The following CCDC102B variants were observed in gnomAD, a reference collection of about 807,000 sequenced individuals.
CCDC102B encodes the protein coiled-coil domain-containing protein 102B.
In CCDC102B, 75 loss-of-function variants were observed where a neutral mutation model predicts 57.4. That is an observed-to-expected ratio of 1.31 (90% CI 1.08 to 1.58). The LOEUF is 1.58. Ranked by LOEUF, CCDC102B falls within the 40% of genes most tolerant of loss-of-function variation. CCDC102B has a pLI of 0.00. For synonymous variants in CCDC102B, 206 were observed against 201.9 expected (o/e 1.02, Z -0.17); for missense variants, 636 against 582.6 (o/e 1.09, Z -0.94).
intron 3 of CCDC102B, among the ~76,000 whole-genome samples, chr18:68,841,266 T>C (rs1000124911): frequency 1.3e-5 from 2 of 152,254 alleles, no homozygotes; most frequent in Admixed American, 1.3e-4. Context: ...TCTTCTTGAC[T>C]AGTGCACAGA....
At chr18:68,932,162 ATTTC>A (rs1369677803) in intron 6 of CCDC102B, among the ~76,000 whole-genome samples, 2 of 151,810 alleles carry the variant, frequency 1.3e-5, no homozygotes, top group African/African-American at 2.4e-5. Context: ...AATAAGAATT[ATTTC>A]TTTTTAAGTC....
At chr18:68,967,859 C>T (rs187260919) in intron 6 of CCDC102B, among the ~76,000 whole-genome samples, 1 of 151,864 alleles carries the variant, frequency 6.6e-6, no homozygotes, top group East Asian at 1.9e-4. Flanking sequence ...CTCAAATTAG[C>T]CATTAAGAGG....
At chr18:68,768,319 T>G (rs1347169524) in intron 2 of CCDC102B, among the ~76,000 whole-genome samples, 2 of 152,240 alleles carry the variant, frequency 1.3e-5, no homozygotes, top group African/African-American at 4.8e-5. Context: ...TAACTGCATA[T>G]TCTGCCAGAG....
chr18:69,002,286 T>G (rs1377785330), intron 6 of CCDC102B, among the ~76,000 whole-genome samples: 2 of 152,200 alleles, frequency 1.3e-5, no homozygotes, highest in Non-Finnish European at 2.9e-5. Context: ...CAAGTGTATA[T>G]TTTGATACAA....
rs748525181 is a variant in CCDC102B, at chr18:69,011,080, G to A, written c.1410G>A (p.Gln470=). Residue 470 remains glutamine (Q), a synonymous_variant, in exon 7 of 8, where the codon CAG becomes CAA. Transcript: ENST00000360242. The stretch of plus-strand genomic sequence containing the variant: ...GATTACGAGTGGAAGAACTAAAGCA[G>A]GGACTCAATCAAAAAGAAGATGAGG... ...KLRLRVEELK[Q]GLNQKEDELD... 5.0e-6 allele frequency: 8 copies of A among 1,613,476 alleles called. No individual in the cohort carries two copies. The South Asian group carries it at 7.7e-5, about 16-fold the overall frequency.
chr18:68,715,290 G>A (rs895422102), exon 1 of CCDC102B: 13 of 1,250,932 alleles, frequency 1.0e-5, no homozygotes, highest in Middle Eastern at 3.2e-4. Context: ...CTTTACTAGG[G>A]AAAACGGTGC....
chr18:68,820,630 CT>C (rs1156504630), intron 1 of CCDC102B, among the ~76,000 whole-genome samples: 1 of 152,038 alleles, frequency 6.6e-6, no homozygotes, highest in African/African-American at 2.4e-5. Context: ...AAAATTTCTT[CT>C]TTTTGAATTC....
At chr18:68,835,697 G>T (rs2037336913) in intron 1 of CCDC102B, among the ~76,000 whole-genome samples, 1 of 152,124 alleles carries the variant, frequency 6.6e-6, no homozygotes, top group African/African-American at 2.4e-5. Flanking sequence ...TACGTGTCAT[G>T]CCATAATTCG....
intron 6 of CCDC102B, chr18:68,902,276 A>G (rs966594845): frequency 3.3e-5 from 5 of 152,180 alleles, no homozygotes; most frequent in South Asian, 2.1e-4. Flanking sequence ...ATATCATTTC[A>G]TATATAAATT....
At chr18:68,749,406 G>C (rs2033755944) in intron 2 of CCDC102B, among the ~76,000 whole-genome samples, 1 of 152,108 alleles carries the variant, frequency 6.6e-6, no homozygotes, top group South Asian at 2.1e-4. Context: ...TCCTATCCAT[G>C]AGCATGGAAT....
intron 4 of CCDC102B, among the ~76,000 whole-genome samples, chr18:68,871,460 A>T (rs1203500527): frequency 6.6e-6 from 1 of 152,180 alleles, no homozygotes; most frequent in Non-Finnish European, 1.5e-5. Flanking sequence ...AAAGTTGAAG[A>T]GGCAAGTGAC....
chr18:69,001,294 C>T (rs902444885), intron 6 of CCDC102B, among the ~76,000 whole-genome samples: 1 of 138,056 alleles, frequency 7.2e-6, no homozygotes, highest in African/African-American at 2.7e-5. Context: ...TAATCCTTTC[C>T]AAGTAGAGTA....
At chr18:68,762,078 A>C (rs549234673) in intron 2 of CCDC102B, among the ~76,000 whole-genome samples, 18 of 152,256 alleles carry the variant, frequency 1.2e-4, no homozygotes, top group Non-Finnish European at 2.2e-4. Flanking sequence ...CCTTATTCAA[A>C]GTTTCCCTTT....
In CCDC102B at chr18:68,743,254, A is replaced by G. The variant is rs539642; in HGVS notation, c.-67+26660A>G. Among the ~76,000 whole-genome samples the G allele has an allele frequency of 8.4e-3, 1,173 of 139,524 alleles. 12 individuals are homozygous for G. The highest frequency in any genetic ancestry group is 0.029 in the African/African-American group (1,120 of 38,394). 91.5% of individuals were successfully genotyped at this position (139,524 alleles called of 152,430 possible). A position where few individuals can be genotyped will look rare whatever the true frequency, so the allele number is the denominator to read the frequency against. On this transcript the variant is annotated intron_variant, in intron 2 of 3. Coordinates refer to the CCDC102B transcript ENST00000578970. ...AAATAAATAAATAAATAAATAAATA[A>G]AAAATTAGACAGGTGTGGGGGCACA...
chr18:68,813,758 A>G (rs1489440785), intron 1 of CCDC102B, among the ~76,000 whole-genome samples: 2 of 145,310 alleles, frequency 1.4e-5, no homozygotes, highest in Non-Finnish European at 3.0e-5. Context: ...AGATGAAGTC[A>G]TATTAAAATA....
intron 2 of CCDC102B, among the ~76,000 whole-genome samples, chr18:68,717,842 A>C (rs1173587093): frequency 6.6e-6 from 1 of 152,182 alleles, no homozygotes; most frequent in Non-Finnish European, 1.5e-5. Context: ...GTGTAACCCA[A>C]ATTTCATATG....
intron 5 of CCDC102B, among the ~76,000 whole-genome samples, chr18:68,876,005 A>C (rs1220164590): frequency 1.3e-5 from 2 of 152,122 alleles, no homozygotes; most frequent in East Asian, 3.8e-4. Context: ...AATCTTCCTA[A>C]GTCAAAGGGA....
chr18:69,038,937 A>C (rs998888473), intron 7 of CCDC102B, among the ~76,000 whole-genome samples: 2 of 152,012 alleles, frequency 1.3e-5, no homozygotes, highest in African/African-American at 4.8e-5. Flanking sequence ...TGATTAGGCT[A>C]CACATTTTTA....
intron 2 of CCDC102B, among the ~76,000 whole-genome samples, chr18:68,742,114 G>A (rs932449663): frequency 6.6e-6 from 1 of 152,200 alleles, no homozygotes; most frequent in African/African-American, 2.4e-5. Flanking sequence ...TTTGGAGGCT[G>A]GAAATCTGAT....
Sources: gnomAD v4.1 joint callset for allele counts (sites outside exome capture counted in the v4.1 genomes callset) on GRCh38, gnomAD v4.1.1 for gene constraint, MANE v1.5 for transcripts, NCBI Gene and HGNC (gene_info 2026-07-23, HGNC 2026-07-21) for gene names.